The following SPEN variants were observed in gnomAD, a reference collection of about 807,000 sequenced individuals.
The protein encoded by SPEN is spen family transcriptional repressor, also known as msx2-interacting protein.
A neutral mutation model predicts 269.9 loss-of-function variants in SPEN; 18 were observed. The ratio of observed to expected loss-of-function variants is 0.07; its 90% CI spans 0.05 to 0.10. SPEN has a LOEUF of 0.10. Among genes scored for constraint, SPEN ranks in the 10% least tolerant of loss-of-function variants. The pLI, the probability that SPEN is intolerant of heterozygous loss-of-function variation, is 1.00. For synonymous variants in SPEN, 1,726 were observed against 1,765.7 expected, an observed-to-expected ratio of 0.98 and a Z score of 0.56; for missense variants, 3,822 against 4,631.2, an observed-to-expected ratio of 0.83 and a Z score of 5.07.
chr1:15,932,952 C>T lies in SPEN; in HGVS notation c.6712C>T (p.Pro2238Ser), dbSNP rs566457916. Residue 2238 changes from proline (P) to serine (S), a missense_variant, in exon 11 of 15, where the codon CCT becomes TCT. Pro to Ser is a moderately conservative substitution (Grantham distance 74). This residue lies in a region of SPEN where 727 missense variants were observed against 737.9 expected (regional missense o/e 0.99). Coordinates refer to ENST00000375759, the MANE Select transcript of SPEN (RefSeq NM_015001.3). This position sits in a 1 kb window ranked among gnomAD's most constrained non-coding sequence, Gnocchi z 4.2. ...GEPENFPAPP[P>S]YPGESQTDLQ... ...GCCAGAAAACTTCCCAGCACCTCCACCTTATCCTGGAGAATCCCAGACAGA... is the reference window on the plus strand; with the variant it reads ...GCCAGAAAACTTCCCAGCACCTCCATCTTATCCTGGAGAATCCCAGACAGA... 5 of 1,614,240 alleles carry T rather than the reference C, an allele frequency of 3.1e-6. No homozygotes were observed. In the South Asian group the frequency reaches 5.5e-5, roughly 18 times the overall value.
In SPEN at chr1:15,936,146, G is replaced by A. The variant is rs1355475506; in HGVS notation, c.9906G>A (p.Leu3302=). Residue 3302 remains leucine, a synonymous_variant, in exon 11 of 15, where the codon CTG becomes CTA. Transcript: ENST00000375759. ...AGATTGTGCACTCCAGCGGGGAGCT[G>A]TTTCAAGAGTACCGGTACGGCGACA... is the stretch of plus-strand genomic sequence containing the variant. ...GVQIVHSSGE[L]FQEYRYGDIR... is the part of the protein sequence containing the mutation. 2.5e-6 allele frequency: 4 copies of A among 1,611,190 alleles called. No homozygotes were observed. The highest frequency in any genetic ancestry group is 1.1e-5 in the South Asian group (1 of 90,972).
chr1:15,916,066 A>G (rs2148731625), intron 5 of SPEN, 62 bp from the exon 6 acceptor site: 4 of 1,522,658 alleles, frequency 2.6e-6, no homozygotes, highest in South Asian at 2.6e-5. Flanking sequence ...TTTTTCCATG[A>G]TATATAAATA....
At chr1:15,936,642 C>CAAAAAAAAAAAAAAAAA (rs60059470) in intron 11 of SPEN, among the ~76,000 whole-genome samples, 1 of 123,788 alleles carries the variant, frequency 8.1e-6, no homozygotes, top group African/African-American at 3.0e-5. Flanking sequence ...GACCCAGTCT[C>CAAAAAAAAAAAAAAAAA]AAAAAAAAAA....
intron 2 of SPEN, 145 bp from the exon 3 acceptor site, chr1:15,876,057 C>T (rs964259730): frequency 6.4e-6 from 4 of 625,470 alleles, no homozygotes; most frequent in African/African-American, 5.5e-5. Context: ...AGCTTGTTAG[C>T]GTTTGCTTAT....
intron 1 of SPEN, among the ~76,000 whole-genome samples, chr1:15,857,305 T>A (rs2070396807): frequency 6.6e-6 from 1 of 152,078 alleles, no homozygotes; most frequent in African/African-American, 2.4e-5. Flanking sequence ...GCTCAAGTGA[T>A]CTGTCTGCCT....
chr1:15,917,984 A>T (rs976833119), intron 6 of SPEN: 13 of 152,196 alleles, frequency 8.5e-5, no homozygotes, highest in African/African-American at 2.9e-4. Flanking sequence ...GGAGAAATGG[A>T]TGACCTCATT....
chr1:15,865,212 T>G (rs1265289519), intron 1 of SPEN, among the ~76,000 whole-genome samples: 1 of 148,968 alleles, frequency 6.7e-6, no homozygotes, highest in African/African-American at 2.5e-5. Flanking sequence ...CTGCCATGCC[T>G]GGCTAAATTT....
rs773066951 is a variant in SPEN at position 15,935,061 on chromosome 1, G to A, written c.8821G>A (p.Val2941Met). The change falls in exon 11 of 15, where the codon GTG (valine) becomes ATG (methionine). Residue 2941 changes from valine to methionine, a missense_variant. Val to Met is a conservative substitution (Grantham distance 21). Transcript: ENST00000375759. The surrounding 1 kb of genome is among the most constrained non-coding windows in gnomAD (Gnocchi z 7.7). Reference sequence around the variant, plus strand: ...CACCCAGGGGATCAACACACCCCCTGTGCTGGTTCACAACCAGCTGGTCCT... The same window carrying A: ...CACCCAGGGGATCAACACACCCCCTATGCTGGTTCACAACCAGCTGGTCCT... The part of the protein sequence containing the change: ...VLTQGINTPP[V>M]LVHNQLVLTP... 6.2e-7 allele frequency: 1 copy of A among 1,613,914 alleles called. No individual in the cohort carries two copies. Among genetic ancestry groups the A allele is most frequent in the African/African-American group, 1.3e-5 (1 of 74,874 alleles).
In SPEN at chr1:15,934,282, G is replaced by A. The variant is rs768380372; in HGVS notation, c.8042G>A (p.Ser2681Asn). The stretch of plus-strand genomic sequence containing the variant: ...AAGGGCTCAGTGACCACACTGAAAA[G>A]TTTGGTGAGCACCCCTGCTGGGCCC... ...PVKGSVTTLKSLVSTPAGPVN... is the reference protein window; with the variant it reads ...PVKGSVTTLKNLVSTPAGPVN... The change falls in exon 11 of 15, where the codon AGT becomes AAT. Residue 2681 changes from serine (S) to asparagine (N), a missense_variant. Coordinates refer to ENST00000375759, the MANE Select transcript of SPEN (RefSeq NM_015001.3). The surrounding 1 kb of genome is among the most constrained non-coding windows in gnomAD (Gnocchi z 9.2). The A allele has an allele frequency of 6.2e-6, 10 of 1,614,206 alleles. No homozygotes were observed. The South Asian group carries it at 1.1e-4, about 18-fold the overall frequency.
intron 3 of SPEN, among the ~76,000 whole-genome samples, chr1:15,906,670 G>A (rs1210672950): frequency 6.6e-6 from 1 of 151,362 alleles, no homozygotes; most frequent in Non-Finnish European, 1.5e-5. Context: ...CACCATGTTG[G>A]CCAGGCTAGC....
chr1:15,936,367 G>C, intron 11 of SPEN, 101 bp downstream of exon 11: 20 of 1,416,998 alleles, frequency 1.4e-5, no homozygotes, highest in Non-Finnish European at 1.8e-5. Context: ...GGGGCCAGGT[G>C]TGGTGGCTTA....
At chr1:15,904,446 C>A (rs1435017077) in intron 3 of SPEN, among the ~76,000 whole-genome samples, 1 of 50,084 alleles carries the variant, frequency 2.0e-5, no homozygotes, top group Non-Finnish European at 3.5e-5. Context: ...GAGCGAAACT[C>A]CATCTCAAAA....
intron 3 of SPEN, among the ~76,000 whole-genome samples, chr1:15,879,782 T>G (rs1416059737): frequency 6.6e-6 from 1 of 151,992 alleles, no homozygotes; most frequent in Non-Finnish European, 1.5e-5. Flanking sequence ...GCCATTCTTC[T>G]GCCTCAGCCT....
Position 15,931,773 on chromosome 1 carries a change from G to A in SPEN, c.5533G>A (p.Glu1845Lys), listed in dbSNP as rs776167964. The A allele has an allele frequency of 6.2e-7, 1 of 1,614,186 alleles. No individual in the cohort carries two copies. Among genetic ancestry groups the A allele is most frequent in the Non-Finnish European group, 8.5e-7 (1 of 1,180,022 alleles). ...GGAGAAGCCCGTCACAAGGAAGAGT[G>A]AGAGGATAGACCGGGAAAAACTCAA... Reference protein sequence around the residue: ...IVEKPVTRKSERIDREKLKRS... With the variant: ...IVEKPVTRKSKRIDREKLKRS... The change falls in exon 11 of 15, where the codon GAG (glutamate) becomes AAG (lysine). Residue 1845 changes from glutamate to lysine, a missense_variant. Physicochemically the swap from Glu to Lys is moderately conservative, Grantham distance 56. Coordinates refer to ENST00000375759, the MANE Select transcript of SPEN (RefSeq NM_015001.3). The surrounding 1 kb of genome is among the most constrained non-coding windows in gnomAD (Gnocchi z 4.8).
chr1:15,862,983 G>T (rs753758360), intron 1 of SPEN, among the ~76,000 whole-genome samples: 1 of 152,056 alleles, frequency 6.6e-6, no homozygotes, highest in Non-Finnish European at 1.5e-5. Flanking sequence ...GGATGGCTTC[G>T]ATCTCCTGAC....
rs1413901624 is a variant in SPEN, at chr1:15,929,058, C to T, written c.2818C>T (p.Pro940Ser). 2 of 1,614,082 alleles carry T rather than the reference C, an allele frequency of 1.2e-6. No homozygotes were observed. The highest frequency in any genetic ancestry group is 4.5e-5 in the East Asian group (2 of 44,882). ...SKLESVRMKV[P>S]KEKGLSSHVE... ...ACTGGAATCAGTTAGAATGAAAGTA[C>T]CAAAGGAAAAGGGGCTTTCAAGCCA... Residue 940 changes from proline to serine, a missense_variant, in exon 11 of 15, where the codon CCA becomes TCA. Around this residue, in one of 16 missense-constraint regions of SPEN, gnomAD observed 572 missense variants for 582.6 expected, o/e 0.98. Transcript: ENST00000375759. The surrounding 1 kb of genome is among the most constrained non-coding windows in gnomAD (Gnocchi z 5.8).
At chr1:15,892,012 C>CTTTTTTTTTTTT (rs71003216) in intron 3 of SPEN, among the ~76,000 whole-genome samples, 35 of 74,558 alleles carry the variant, frequency 4.7e-4, no homozygotes, top group East Asian at 1.1e-3. Flanking sequence ...TTTCTTTTTA[C>CTTTTTTTTTTTT]TTTTTTTTTT....
chr1:15,932,784 G>T lies in SPEN; in HGVS notation c.6544G>T (p.Ala2182Ser), dbSNP rs142392560. 6.8e-6 allele frequency: 11 copies of T among 1,614,226 alleles called. No homozygotes were observed. Among genetic ancestry groups the T allele is most frequent in the Non-Finnish European group, 9.3e-6 (11 of 1,180,034 alleles). Reference protein sequence around the residue: ...EQAVEHIAKLAEASASAAYKA... With the variant: ...EQAVEHIAKLSEASASAAYKA... ...GGCCGTGGAACACATCGCAAAGCTC[G>T]CTGAGGCCTCTGCCTCTGCTGCCTA... Residue 2182 changes from alanine to serine, a missense_variant, in exon 11 of 15, where the codon GCT (alanine) becomes TCT (serine). By Grantham distance (99) the Ala-to-Ser change is moderately conservative (BLOSUM62 1). Transcript: ENST00000375759. The surrounding 1 kb of genome is among the most constrained non-coding windows in gnomAD (Gnocchi z 4.2).
At chr1:15,924,346 A>G (rs577046158) in intron 10 of SPEN, among the ~76,000 whole-genome samples, 10 of 152,388 alleles carry the variant, frequency 6.6e-5, no homozygotes, top group Non-Finnish European at 1.3e-4. Context: ...CCTAAAACAT[A>G]CAAAATCCAT....
Sources: allele counts gnomAD v4.1 joint callset (sites outside exome capture counted in the v4.1 genomes callset), GRCh38; gene constraint gnomAD v4.1.1; regional missense constraint gnomAD v4.1.1; non-coding constraint Gnocchi (gnomAD v3.1); transcripts MANE v1.5; gene names NCBI Gene and HGNC (gene_info 2026-07-23, HGNC 2026-07-21).